FSTL5: variants seen among roughly 807,000 people sequenced by gnomAD.
The protein encoded by FSTL5 is follistatin like 5, also known as follistatin-related protein 5.
FSTL5 carries 62 observed loss-of-function variants against 89.1 expected under a neutral mutation model. The ratio of observed to expected loss-of-function variants is 0.70; its 90% CI spans 0.57 to 0.86. The LOEUF is 0.86. Ranked by LOEUF, FSTL5 falls within the 40% of genes least tolerant of loss-of-function variation. The pLI, the probability that FSTL5 is intolerant of heterozygous loss-of-function variation, is 0.00. For synonymous variants in FSTL5, 383 were observed against 346.2 expected (o/e 1.11, Z -1.18); for missense variants, 1,057 against 1,001.6 (o/e 1.06, Z -0.75).
intron 3 of FSTL5, among the ~76,000 whole-genome samples, chr4:161,937,603 G>T (rs1410287061): frequency 6.6e-6 from 1 of 152,148 alleles, no homozygotes; most frequent in East Asian, 1.9e-4. Flanking sequence ...CAGCAACAGG[G>T]AAGTCTAGAA....
chr4:161,527,845 C>T (rs1168843806), intron 10 of FSTL5, among the ~76,000 whole-genome samples: 5 of 151,228 alleles, frequency 3.3e-5, no homozygotes, highest in East Asian at 2.0e-4. Flanking sequence ...CACATGCACA[C>T]GTATGTTTGT....
chr4:161,742,359 A>G lies in FSTL5; in HGVS notation c.727+17052T>C, dbSNP rs75485462. 7.1e-3 allele frequency among the ~76,000 whole-genome samples: 1,082 copies of G among 152,306 alleles called. 22 individuals carry two copies. The highest frequency in any genetic ancestry group is 7.7e-3 in the Non-Finnish European group (526 of 68,018). On this transcript the variant is annotated intron_variant, in intron 6 of 15. Transcript: ENST00000306100. ...AAAGCTGCATTATTATCTAGAAATG[A>G]TGCTGGGCTGAACTATGAAGACTCA...
At chr4:162,109,084 A>T (rs1731337662) in intron 2 of FSTL5, among the ~76,000 whole-genome samples, 1 of 152,062 alleles carries the variant, frequency 6.6e-6, no homozygotes, top group African/African-American at 2.4e-5. Context: ...TTGTTTGGTA[A>T]GGTCTCACCA....
At chr4:161,631,912 C>A (rs1160224822) in intron 7 of FSTL5, among the ~76,000 whole-genome samples, 1 of 152,104 alleles carries the variant, frequency 6.6e-6, no homozygotes, top group Non-Finnish European at 1.5e-5. Context: ...TGTGGGAACT[C>A]AGGTAAAGCA....
At chr4:161,965,481 T>G (rs1735296334) in intron 3 of FSTL5, among the ~76,000 whole-genome samples, 2 of 152,138 alleles carry the variant, frequency 1.3e-5, no homozygotes, top group Admixed American at 1.3e-4. Context: ...TTTATTCATT[T>G]AAGTATTTAG....
At chr4:161,406,542 G>A (rs1731384505) in intron 15 of FSTL5, among the ~76,000 whole-genome samples, 1 of 152,028 alleles carries the variant, frequency 6.6e-6, no homozygotes, top group Admixed American at 6.6e-5. Context: ...TTAGTTTATG[G>A]TGTCATTCAA....
intron 3 of FSTL5, among the ~76,000 whole-genome samples, chr4:161,980,100 AAG>A (rs1325045219): frequency 6.6e-6 from 1 of 151,520 alleles, no homozygotes; most frequent in East Asian, 1.9e-4. Context: ...AAGAAAAAGA[AAG>A]AGGAAGGAAG....
chr4:161,529,088 C>CA (rs1731326982), intron 10 of FSTL5, among the ~76,000 whole-genome samples: 1 of 142,724 alleles, frequency 7.0e-6, no homozygotes, highest in African/African-American at 2.5e-5. Context: ...AATAAGAAAG[C>CA]ATTATTTCTT....
At chr4:161,517,784 G>GA (rs60844100) in intron 10 of FSTL5, among the ~76,000 whole-genome samples, 40,970 of 151,608 alleles carry the variant, frequency 0.27, 6,564 homozygotes, top group Non-Finnish European at 0.38. Context: ...TTTCACCATT[G>GA]CAAATCATTT....
At chr4:161,521,866 A>G (rs200808448) in intron 10 of FSTL5, among the ~76,000 whole-genome samples, 19,947 of 114,812 alleles carry the variant, frequency 0.17, 2,538 homozygotes, top group Non-Finnish European at 0.27. Context: ...AAAAAAAAAG[A>G]AAAAAAAAGA....
intron 4 of FSTL5, among the ~76,000 whole-genome samples, chr4:161,858,401 G>C (rs1272499112): frequency 6.6e-6 from 1 of 151,996 alleles, no homozygotes; most frequent in East Asian, 1.9e-4. Flanking sequence ...ATTCATGAAA[G>C]GTATACTTAG....
chr4:161,819,342 G>A (rs558356332), intron 4 of FSTL5, among the ~76,000 whole-genome samples: 2 of 151,972 alleles, frequency 1.3e-5, no homozygotes, highest in Non-Finnish European at 2.9e-5. Flanking sequence ...ACAAACAGAA[G>A]GCAAATTTGT....
intron 12 of FSTL5, among the ~76,000 whole-genome samples, chr4:161,498,129 A>G (rs1243653752): frequency 6.6e-6 from 1 of 151,920 alleles, no homozygotes; most frequent in Non-Finnish European, 1.5e-5. Flanking sequence ...TACATATTTA[A>G]TTGGATACAT....
intron 1 of FSTL5, among the ~76,000 whole-genome samples, chr4:162,132,469 G>C (rs1278900573): frequency 6.6e-6 from 1 of 152,018 alleles, no homozygotes; most frequent in Non-Finnish European, 1.5e-5. Flanking sequence ...GAACACATCG[G>C]AACATCAGAA....
chr4:161,479,314 C>A (rs956800168), intron 13 of FSTL5, among the ~76,000 whole-genome samples: 1 of 151,768 alleles, frequency 6.6e-6, no homozygotes, highest in African/African-American at 2.4e-5. Context: ...TTAATATTTT[C>A]TATTAATTTT....
At chr4:162,072,474 C>A (rs1006739257) in intron 2 of FSTL5, among the ~76,000 whole-genome samples, 2 of 151,758 alleles carry the variant, frequency 1.3e-5, no homozygotes, top group African/African-American at 2.4e-5. Flanking sequence ...AATGAATTCA[C>A]AAGTAATTAT....
intron 10 of FSTL5, among the ~76,000 whole-genome samples, chr4:161,530,726 A>G (rs1299610575): frequency 6.6e-6 from 1 of 152,106 alleles, no homozygotes; most frequent in Admixed American, 6.6e-5. Flanking sequence ...TGGATTAATC[A>G]TATTCCTTAC....
chr4:161,731,418 G>C lies in FSTL5; in HGVS notation c.727+27993C>G, dbSNP rs116973140. 5.0e-3 allele frequency among the ~76,000 whole-genome samples: 757 copies of C among 152,138 alleles called. 5 individuals are homozygous for C. Among genetic ancestry groups the C allele is most frequent in the East Asian group, 0.031 (160 of 5,152 alleles). On this transcript the variant is annotated intron_variant, in intron 6 of 15. Transcript: ENST00000306100. ...CGTAGGGGCAGATTTCCCCCTTGCT[G>C]TTCTCATGATAGTGGGTGAGTTCTC...
At chr4:161,469,342 C>T (rs1733854427) in intron 13 of FSTL5, among the ~76,000 whole-genome samples, 1 of 152,150 alleles carries the variant, frequency 6.6e-6, no homozygotes, top group African/African-American at 2.4e-5. Flanking sequence ...TGAGTTACTT[C>T]CACATGATAA....
Sources: gnomAD v4.1 joint callset for allele counts (sites outside exome capture counted in the v4.1 genomes callset) on GRCh38, gnomAD v4.1.1 for gene constraint, MANE v1.5 for transcripts, NCBI Gene and HGNC (gene_info 2026-07-23, HGNC 2026-07-21) for gene names.